Variants in ABCA13 observed in about 807,000 individuals in gnomAD.
ABCA13 encodes ATP-binding cassette sub-family A member 13.
A neutral mutation model predicts 478.7 loss-of-function variants in ABCA13; 476 were observed. The observed-to-expected ratio is 0.99, with a 90% CI of 0.92 to 1.07. The LOEUF (loss-of-function observed/expected upper bound fraction) is 1.07, where lower values mean the gene tolerates loss of function less well. Among genes scored for constraint, ABCA13 ranks in the 50% least tolerant of loss-of-function variants. The pLI, the probability that ABCA13 is intolerant of heterozygous loss-of-function variation, is 0.00. For synonymous variants in ABCA13, 2,252 were observed against 2,158.9 expected (o/e 1.04, Z -1.20); for missense variants, 6,060 against 5,910.6 (o/e 1.03, Z -0.83).
At chr7:48,184,314 G>T (rs1172060989) in intron 1 of ABCA13, among the ~76,000 whole-genome samples, 1 of 152,136 alleles carries the variant, frequency 6.6e-6, no homozygotes, top group African/African-American at 2.4e-5. Flanking sequence ...AGGTATTACA[G>T]ATAACTGCAT....
At chr7:48,422,751 A>G (rs567407638) in intron 41 of ABCA13, among the ~76,000 whole-genome samples, 13 of 152,350 alleles carry the variant, frequency 8.5e-5, no homozygotes, top group African/African-American at 2.9e-4. Flanking sequence ...TGTTACCCAT[A>G]TGGGACTGTG....
At chr7:48,188,458 A>G (rs1334944841) in intron 1 of ABCA13, among the ~76,000 whole-genome samples, 1 of 152,146 alleles carries the variant, frequency 6.6e-6, no homozygotes, top group Non-Finnish European at 1.5e-5. Context: ...TTTTGGGGAT[A>G]GTCACCAGGA....
chr7:48,598,255 T>C (rs1790503818), intron 58 of ABCA13, among the ~76,000 whole-genome samples: 1 of 152,192 alleles, frequency 6.6e-6, no homozygotes. Context: ...TCTCATGGCT[T>C]GATAGCTCAT....
At chr7:48,198,568 C>T (rs1389901738) in intron 3 of ABCA13, among the ~76,000 whole-genome samples, 6 of 152,218 alleles carry the variant, frequency 3.9e-5, no homozygotes, top group Admixed American at 2.6e-4. Context: ...CTGTCACTTG[C>T]GGGACTCACA....
chr7:48,234,200 T>G, intron 8 of ABCA13, 49 bp downstream of exon 8: 1 of 1,612,824 alleles, frequency 6.2e-7, no homozygotes, highest in Non-Finnish European at 8.5e-7. Flanking sequence ...TCCTGGAGAC[T>G]GGATCTAGAG....
intron 41 of ABCA13, among the ~76,000 whole-genome samples, chr7:48,426,029 C>T (rs1040369545): frequency 5.3e-5 from 8 of 152,318 alleles, no homozygotes; most frequent in African/African-American, 1.9e-4. Context: ...GCGTGAGCCA[C>T]CGCGCCCGGC....
intron 1 of ABCA13, among the ~76,000 whole-genome samples, chr7:48,184,683 G>T (rs1457381966): frequency 1.3e-5 from 2 of 152,074 alleles, no homozygotes; most frequent in African/African-American, 4.8e-5. Context: ...AGCCAGGCAT[G>T]GTGGCGCATG....
intron 58 of ABCA13, among the ~76,000 whole-genome samples, chr7:48,604,145 G>A (rs552309670): frequency 6.6e-6 from 1 of 152,104 alleles, no homozygotes; most frequent in East Asian, 1.9e-4. Context: ...AATCTGGCTA[G>A]TAGTCTGTCT....
chr7:48,618,837 G>A (rs1289835144), intron 59 of ABCA13, among the ~76,000 whole-genome samples: 1 of 152,144 alleles, frequency 6.6e-6, no homozygotes, highest in African/African-American at 2.4e-5. Context: ...CAGCTGGTTT[G>A]TATTTGAAAA....
chr7:48,475,223 G>A (rs1448480403), intron 45 of ABCA13, among the ~76,000 whole-genome samples: 1 of 152,076 alleles, frequency 6.6e-6, no homozygotes, highest in Non-Finnish European at 1.5e-5. Context: ...GAGTTGAGGT[G>A]GAATTAATGA....
chr7:48,630,206 A>G (rs1480125612), intron 59 of ABCA13, among the ~76,000 whole-genome samples: 1 of 152,052 alleles, frequency 6.6e-6, no homozygotes, highest in Non-Finnish European at 1.5e-5. Context: ...TGGATTTCTT[A>G]TATAGGTAAA....
chr7:48,228,038 C>T (rs1299833411), intron 6 of ABCA13, among the ~76,000 whole-genome samples: 1 of 152,160 alleles, frequency 6.6e-6, no homozygotes, highest in Non-Finnish European at 1.5e-5. Context: ...CAGCATGGCC[C>T]TCTTTTATAA....
intron 31 of ABCA13, among the ~76,000 whole-genome samples, chr7:48,360,555 TATAAACA>T (rs890042116): frequency 1.3e-5 from 2 of 152,032 alleles, no homozygotes; most frequent in Non-Finnish European, 2.9e-5. Context: ...TTTTTAGTTC[TATAAACA>T]AGTGATATTC....
rs950295186 is a variant in ABCA13 at position 48,221,312 on chromosome 7, A to C, written c.468+3A>C. The C allele has an allele frequency of 3.5e-6, 4 of 1,143,398 alleles. No individual in the cohort carries two copies. Among genetic ancestry groups the C allele is most frequent in the Non-Finnish European group, 5.0e-6 (4 of 800,610 alleles). 70.8% of individuals were successfully genotyped at this position (1,143,398 alleles called of 1,614,324 possible). On this transcript the variant is annotated splice_donor_region_variant and intron_variant, in intron 5 of 61. Coordinates refer to ENST00000435803, the MANE Select transcript of ABCA13 (RefSeq NM_152701.5). ...CTTATGGTTCCAGTTTTTTTACAGTAAGTATCTTAACAATAGTTTGAAAAT... is the reference window on the plus strand; with the variant it reads ...CTTATGGTTCCAGTTTTTTTACAGTCAGTATCTTAACAATAGTTTGAAAAT...
Position 48,347,079 on chromosome 7 carries a change from C to G in ABCA13, c.10205-3564C>G, listed in dbSNP as rs139081138. On this transcript the variant is annotated intron_variant, in intron 29 of 61. Coordinates refer to ENST00000435803, the MANE Select transcript of ABCA13 (RefSeq NM_152701.5). ...AGTTTTCATCACAGCCATTGCATAC[C>G]CCATAAGTACCAGTCATTACAGTAG... Among the ~76,000 whole-genome samples the G allele has an allele frequency of 7.0e-4, 107 of 152,228 alleles. 1 individual carries two copies. Among genetic ancestry groups the G allele is most frequent in the African/African-American group, 2.3e-3 (96 of 41,550 alleles).
At chr7:48,538,688 G>A (rs994313463) in intron 55 of ABCA13, among the ~76,000 whole-genome samples, 1 of 152,074 alleles carries the variant, frequency 6.6e-6, no homozygotes, top group Non-Finnish European at 1.5e-5. Flanking sequence ...TAGAACTTTG[G>A]TAGCTAACTT....
Position 48,467,015 on chromosome 7 carries a change from A to T in ABCA13, c.12875A>T (p.Asp4292Val), listed in dbSNP as rs775615146. ...RVLLRKFRDQ[D>V]LPCADLNPRQ... ...CTTCTGCGGAAGTTTAGAGATCAAG[A>T]TTTGCCCTGTGCAGATTTAAACCCA... Residue 4292 changes from aspartate (D) to valine (V), a missense_variant, in exon 44 of 62, where the codon GAT (aspartate) becomes GTT (valine). Physicochemically the swap from Asp to Val is radical, Grantham distance 152. Transcript: ENST00000435803. 6.2e-7 allele frequency: 1 copy of T among 1,613,972 alleles called. No homozygotes were observed. Among genetic ancestry groups the T allele is most frequent in the African/African-American group, 1.3e-5 (1 of 75,018 alleles).
At chr7:48,219,568 A>G (rs1787033565) in intron 4 of ABCA13, 63 bp downstream of exon 4, 1 of 1,537,270 alleles carries the variant, frequency 6.5e-7, no homozygotes, top group Admixed American at 2.3e-5. Context: ...AGAGCTGTGG[A>G]GGCTATGAGA....
intron 43 of ABCA13, among the ~76,000 whole-genome samples, chr7:48,465,110 G>A (rs949877911): frequency 9.2e-5 from 14 of 152,204 alleles, no homozygotes; most frequent in African/African-American, 3.4e-4. Flanking sequence ...TGCTCAGGAA[G>A]AAATGGTGAG....
Sources: allele counts gnomAD v4.1 joint callset (sites outside exome capture counted in the v4.1 genomes callset), GRCh38; gene constraint gnomAD v4.1.1; transcripts MANE v1.5; gene names NCBI Gene and HGNC (gene_info 2026-07-23, HGNC 2026-07-21).